The following HPSE2 variants were observed in gnomAD, a reference collection of about 807,000 sequenced individuals.
HPSE2 encodes heparanase 2 (inactive), also known as inactive heparanase-2.
HPSE2 carries 38 observed loss-of-function variants against 60.5 expected under a neutral mutation model. That is an observed-to-expected ratio of 0.63 (90% confidence interval 0.48 to 0.82). The LOEUF (loss-of-function observed/expected upper bound fraction) is 0.82. Among genes scored for constraint, HPSE2 ranks in the 40% least tolerant of loss-of-function variants. The pLI, the probability that HPSE2 is intolerant of heterozygous loss-of-function variation, is 0.00. For synonymous variants in HPSE2, 295 were observed against 293.2 expected (o/e 1.01, Z -0.06); for missense variants, 713 against 740.4 (o/e 0.96, Z 0.43).
At chr10:98,979,311 C>T (rs375091956) in intron 3 of HPSE2, among the ~76,000 whole-genome samples, 1 of 152,048 alleles carries the variant, frequency 6.6e-6, no homozygotes, top group Non-Finnish European at 1.5e-5. Context: ...AGAGGCCACA[C>T]CAGACAGTGC....
intron 9 of HPSE2, among the ~76,000 whole-genome samples, chr10:98,576,703 T>G (rs1944649013): frequency 6.6e-6 from 1 of 152,016 alleles, no homozygotes; most frequent in African/African-American, 2.4e-5. Context: ...GCACACCCTT[T>G]GCTTCTGCTT....
chr10:99,261,342 C>T, the HPSE2 span, among the ~76,000 whole-genome samples: 1 of 152,146 alleles, frequency 6.6e-6, no homozygotes, highest in Non-Finnish European at 1.5e-5. Context: ...ACCTCCCCTC[C>T]TCACACCCGG....
intron 2 of HPSE2, among the ~76,000 whole-genome samples, chr10:99,197,792 G>A (rs967589527): frequency 3.9e-5 from 6 of 152,174 alleles, no homozygotes; most frequent in Admixed American, 2.6e-4. Flanking sequence ...CAGGCGCAGT[G>A]GCTCACACCG....
At chr10:99,113,295 G>A (rs1182579042) in intron 3 of HPSE2, among the ~76,000 whole-genome samples, 1 of 152,126 alleles carries the variant, frequency 6.6e-6, no homozygotes, top group Non-Finnish European at 1.5e-5. Context: ...ACTAGTACAT[G>A]GTAAATACAG....
At chr10:98,545,623 C>A (rs1287781930) in intron 9 of HPSE2, among the ~76,000 whole-genome samples, 1 of 152,144 alleles carries the variant, frequency 6.6e-6, no homozygotes, top group Non-Finnish European at 1.5e-5. Flanking sequence ...GCTAAAAACG[C>A]TCAATAAATT....
At chr10:98,460,120 TA>T (rs1470477651) in intron 11 of HPSE2, among the ~76,000 whole-genome samples, 2 of 152,224 alleles carry the variant, frequency 1.3e-5, no homozygotes, top group Non-Finnish European at 2.9e-5. Flanking sequence ...TCCTATTTTT[TA>T]AAAATCACAA....
At chr10:98,718,131 T>C (rs188519651) in intron 5 of HPSE2, among the ~76,000 whole-genome samples, 1 of 152,216 alleles carries the variant, frequency 6.6e-6, no homozygotes, top group East Asian at 1.9e-4. Context: ...ACATAGATGA[T>C]GCATAAAAGT....
At chr10:98,482,262 C>G (rs1564909073) in intron 11 of HPSE2, among the ~76,000 whole-genome samples, 1 of 152,166 alleles carries the variant, frequency 6.6e-6, no homozygotes, top group African/African-American at 2.4e-5. Context: ...TGGTTCTCAA[C>G]TACCAGGATG....
At chr10:99,313,915 T>G in the HPSE2 span, among the ~76,000 whole-genome samples, 6 of 152,048 alleles carry the variant, frequency 3.9e-5, no homozygotes, top group Non-Finnish European at 1.5e-5. Context: ...CTCCAATTTT[T>G]AAAGGTGTTC....
At chr10:98,874,419 T>C (rs547896550) in intron 3 of HPSE2, among the ~76,000 whole-genome samples, 5 of 152,106 alleles carry the variant, frequency 3.3e-5, no homozygotes, top group South Asian at 4.1e-4. Flanking sequence ...TCTGCTTGTC[T>C]AGGGTGTAAA....
intron 2 of HPSE2, among the ~76,000 whole-genome samples, chr10:99,176,587 G>GA (rs886490177): frequency 6.6e-6 from 1 of 151,844 alleles, no homozygotes; most frequent in Non-Finnish European, 1.5e-5. Flanking sequence ...ATAATGAAAA[G>GA]AAAAAAACAA....
intron 5 of HPSE2, among the ~76,000 whole-genome samples, chr10:98,694,461 T>A (rs934993874): frequency 6.6e-6 from 1 of 152,204 alleles, no homozygotes; most frequent in Non-Finnish European, 1.5e-5. Context: ...GGCTGCCACA[T>A]CTGTCTCAGT....
intron 3 of HPSE2, among the ~76,000 whole-genome samples, chr10:99,112,950 TAC>T (rs201829298): frequency 1.8e-5 from 2 of 109,226 alleles, no homozygotes; most frequent in African/African-American, 2.6e-5. Context: ...CCTAGACTCA[TAC>T]ACACACACAC....
the HPSE2 span, among the ~76,000 whole-genome samples, chr10:99,287,938 G>A: frequency 6.6e-6 from 1 of 152,196 alleles, no homozygotes; most frequent in East Asian, 1.9e-4. Flanking sequence ...TGGAACACTA[G>A]TCATTGGATT....
At chr10:98,860,853 T>C (rs772587720) in intron 3 of HPSE2, among the ~76,000 whole-genome samples, 10 of 152,164 alleles carry the variant, frequency 6.6e-5, no homozygotes, top group African/African-American at 9.7e-5. Context: ...TATTTGTCTA[T>C]AAAAGTACTC....
chr10:98,735,460 G>A (rs1949332929), intron 4 of HPSE2, among the ~76,000 whole-genome samples: 1 of 151,526 alleles, frequency 6.6e-6, no homozygotes, highest in South Asian at 2.1e-4. Context: ...GAGAAGTGGG[G>A]TTGAAGCCCC....
chr10:98,993,467 T>C (rs1956573879), intron 3 of HPSE2, among the ~76,000 whole-genome samples: 1 of 152,232 alleles, frequency 6.6e-6, no homozygotes, highest in African/African-American at 2.4e-5. Context: ...TAATAGTATA[T>C]AGTTCCACTA....
rs1246108116 is a variant in HPSE2 at position 98,989,088 on chromosome 10, C to T, written c.610+155150G>A. ...TCAACCATTGTGGAAGTCAGTGTGG[C>T]GATTCCTCAGGGATCTAGAACTAGA... On this transcript the variant is annotated intron_variant, in intron 3 of 11. Coordinates refer to ENST00000370552, the MANE Select transcript of HPSE2 (RefSeq NM_021828.5). 5.3e-4 allele frequency among the ~76,000 whole-genome samples: 79 copies of T among 149,166 alleles called. 1 individual carries two copies. Among genetic ancestry groups the T allele is most frequent in the Middle Eastern group, 7.1e-3 (2 of 280 alleles).
intron 3 of HPSE2, among the ~76,000 whole-genome samples, chr10:98,857,647 CTAA>C (rs1952349932): frequency 6.6e-6 from 1 of 151,950 alleles, no homozygotes; most frequent in Admixed American, 6.6e-5. Context: ...GTTGTGTCTT[CTAA>C]TAGAAAAATA....
Sources: allele counts gnomAD v4.1 joint callset (sites outside exome capture counted in the v4.1 genomes callset), GRCh38; gene constraint gnomAD v4.1.1; transcripts MANE v1.5; gene names NCBI Gene and HGNC (gene_info 2026-07-23, HGNC 2026-07-21).